Variants in PTPRD observed in about 807,000 individuals in gnomAD.
PTPRD encodes the protein receptor-type tyrosine-protein phosphatase delta.
In PTPRD, 34 loss-of-function variants were observed where a neutral mutation model predicts 214.5. The ratio of observed to expected loss-of-function variants is 0.16; its 90% CI spans 0.12 to 0.21. The LOEUF (loss-of-function observed/expected upper bound fraction) is 0.21, where lower values mean the gene tolerates loss of function less well. PTPRD is among the 10% of genes least tolerant of loss of function. PTPRD has a pLI of 1.00. For missense variants in PTPRD, 2,545 were observed against 2,398.7 expected, an observed-to-expected ratio of 1.06 and a Z score of -1.27; for synonymous variants, 1,128 against 845.7, an observed-to-expected ratio of 1.33 and a Z score of -5.79.
At chr9:9,081,765 T>G (rs1591280955) in intron 10 of PTPRD, among the ~76,000 whole-genome samples, 1 of 152,046 alleles carries the variant, frequency 6.6e-6, no homozygotes, top group African/African-American at 2.4e-5. Flanking sequence ...TTCTTTGTCT[T>G]TTTTGATCTT....
intron 10 of PTPRD, among the ~76,000 whole-genome samples, chr9:9,061,174 G>T (rs769787341): frequency 2.0e-5 from 3 of 152,112 alleles, no homozygotes; most frequent in Non-Finnish European, 4.4e-5. Context: ...TGGTTACCTG[G>T]GCTATTCATT....
At chr9:10,218,132 C>A (rs1488674745) in intron 3 of PTPRD, among the ~76,000 whole-genome samples, 1 of 151,832 alleles carries the variant, frequency 6.6e-6, no homozygotes, top group Non-Finnish European at 1.5e-5. Context: ...AAACAGAGAG[C>A]CACTGCTTTT....
At chr9:8,992,383 G>T (rs984373715) in intron 11 of PTPRD, among the ~76,000 whole-genome samples, 2 of 152,018 alleles carry the variant, frequency 1.3e-5, no homozygotes, top group African/African-American at 4.8e-5. Flanking sequence ...TTGTACCCTG[G>T]TGTGCAGACT....
intron 11 of PTPRD, among the ~76,000 whole-genome samples, chr9:8,957,738 T>C (rs1011250471): frequency 6.6e-6 from 1 of 151,870 alleles, no homozygotes; most frequent in Non-Finnish European, 1.5e-5. Flanking sequence ...TAAAGGAATA[T>C]AAAGTGATTA....
chr9:10,544,953 G>A (rs1023575311), intron 2 of PTPRD, among the ~76,000 whole-genome samples: 8 of 152,212 alleles, frequency 5.3e-5, no homozygotes, highest in Admixed American at 2.6e-4. Context: ...TAAATAAAAT[G>A]TAATTTTTTT....
At chr9:9,471,570 A>G (rs1417436458) in intron 8 of PTPRD, among the ~76,000 whole-genome samples, 1 of 152,154 alleles carries the variant, frequency 6.6e-6, no homozygotes, top group East Asian at 1.9e-4. Context: ...GAAATGTCAA[A>G]ATTGCTATAT....
chr9:9,548,405 CTTTTTTTTTTTTT>C (rs1157663823), intron 8 of PTPRD, among the ~76,000 whole-genome samples: 1 of 118,542 alleles, frequency 8.4e-6, no homozygotes, highest in Non-Finnish European at 1.7e-5. Context: ...GACTTTTTTT[CTTTTTTTTTTTTT>C]TTTTTTTAAG....
chr9:9,388,395 T>C (rs932706541), intron 9 of PTPRD, among the ~76,000 whole-genome samples: 1 of 152,164 alleles, frequency 6.6e-6, no homozygotes, highest in Non-Finnish European at 1.5e-5. Context: ...CTCTTCTGTA[T>C]CATTTAAAGG....
chr9:10,512,753 C>A (rs1437314602), intron 2 of PTPRD, among the ~76,000 whole-genome samples: 1 of 152,034 alleles, frequency 6.6e-6, no homozygotes, highest in Non-Finnish European at 1.5e-5. Context: ...TAATAAAAAT[C>A]ACACAAAAGG....
At chr9:9,527,196 G>A (rs1216783329) in intron 8 of PTPRD, among the ~76,000 whole-genome samples, 1 of 152,118 alleles carries the variant, frequency 6.6e-6, no homozygotes, top group Non-Finnish European at 1.5e-5. Flanking sequence ...TTACTATCTT[G>A]AATGTTTTCT....
At chr9:9,380,395 C>G (rs1397637639) in intron 9 of PTPRD, among the ~76,000 whole-genome samples, 1 of 151,924 alleles carries the variant, frequency 6.6e-6, no homozygotes, top group Non-Finnish European at 1.5e-5. Flanking sequence ...TTTGTGGGTA[C>G]ACAGTAGGTA....
intron 7 of PTPRD, among the ~76,000 whole-genome samples, chr9:9,601,411 G>A (rs2093760745): frequency 6.6e-6 from 1 of 151,982 alleles, no homozygotes; most frequent in Non-Finnish European, 1.5e-5. Flanking sequence ...AATTACAAAT[G>A]TTTAGAAGGA....
At chr9:9,763,846 T>C in intron 6 of PTPRD, among the ~76,000 whole-genome samples, 1 of 152,192 alleles carries the variant, frequency 6.6e-6, no homozygotes, top group East Asian at 1.9e-4. Flanking sequence ...TTGAAAATTA[T>C]ATATTTTTAA....
Position 8,517,003 on chromosome 9 carries a change from G to C in PTPRD, c.1543+845C>G, listed in dbSNP as rs183158840. Among the ~76,000 whole-genome samples, 275 of 151,924 alleles carry C rather than the reference G, an allele frequency of 1.8e-3. 2 individuals carry two copies. The highest frequency in any genetic ancestry group is 6.2e-3 in the African/African-American group (257 of 41,436). The stretch of plus-strand genomic sequence containing the variant: ...ATTTTTGTATTTTTAATAGAGATGA[G>C]GTTTTGCCATTGGCCAGGCTGGTCT... On this transcript the variant is annotated intron_variant, in intron 21 of 45. Coordinates refer to ENST00000381196, the MANE Select transcript of PTPRD (RefSeq NM_002839.4).
At chr9:8,699,934 T>C (rs1299432661) in intron 12 of PTPRD, among the ~76,000 whole-genome samples, 1 of 152,188 alleles carries the variant, frequency 6.6e-6, no homozygotes, top group East Asian at 1.9e-4. Flanking sequence ...TTTAACCATT[T>C]TTTTCTCTGT....
Position 8,591,268 on chromosome 9 carries a change from G to C in PTPRD, c.352+42049C>G, listed in dbSNP as rs138528769. ...AACATAGTCATCACAAGGTTCCAAAGAATAGGAACTAGTCGTGATTTGGAG... is the reference window on the plus strand; with the variant it reads ...AACATAGTCATCACAAGGTTCCAAACAATAGGAACTAGTCGTGATTTGGAG... On this transcript the variant is annotated intron_variant, in intron 14 of 45. Transcript: ENST00000381196. Among the ~76,000 whole-genome samples the C allele has an allele frequency of 4.7e-3, 710 of 152,258 alleles. 8 individuals are homozygous for C. The highest frequency in any genetic ancestry group is 0.016 in the African/African-American group (680 of 41,558).
intron 7 of PTPRD, among the ~76,000 whole-genome samples, chr9:9,585,611 C>T (rs1363717982): frequency 6.6e-6 from 1 of 152,056 alleles, no homozygotes; most frequent in Non-Finnish European, 1.5e-5. Context: ...GTCATTCACA[C>T]AAACCTAAAA....
chr9:8,799,732 T>C (rs2096533322), intron 11 of PTPRD, among the ~76,000 whole-genome samples: 1 of 152,178 alleles, frequency 6.6e-6, no homozygotes, highest in Non-Finnish European at 1.5e-5. Context: ...TATTCTTTTA[T>C]GTTTAGATAC....
intron 11 of PTPRD, among the ~76,000 whole-genome samples, chr9:8,870,191 A>G (rs963956048): frequency 3.9e-5 from 6 of 152,100 alleles, no homozygotes; most frequent in Non-Finnish European, 8.8e-5. Flanking sequence ...CCTGCCCTTT[A>G]AATTATATTA....
Sources: gnomAD v4.1 joint callset for allele counts (sites outside exome capture counted in the v4.1 genomes callset) on GRCh38, gnomAD v4.1.1 for gene constraint, MANE v1.5 for transcripts, NCBI Gene and HGNC (gene_info 2026-07-23, HGNC 2026-07-21) for gene names.